Variants in PPP1R9A observed in about 807,000 individuals in gnomAD.
PPP1R9A encodes neurabin-1.
PPP1R9A carries 59 observed loss-of-function variants against 141.9 expected under a neutral mutation model. The ratio of observed to expected loss-of-function variants is 0.42; its 90% CI spans 0.34 to 0.52. The LOEUF (loss-of-function observed/expected upper bound fraction) is 0.52, where lower values mean the gene tolerates loss of function less well. Ranked by LOEUF, PPP1R9A falls within the 20% of genes least tolerant of loss-of-function variation. The pLI, the probability that PPP1R9A is intolerant of heterozygous loss-of-function variation, is 0.10. For synonymous variants in PPP1R9A, 500 were observed against 569.7 expected, an observed-to-expected ratio of 0.88 and a Z score of 1.74; for missense variants, 1,444 against 1,611.9, an observed-to-expected ratio of 0.90 and a Z score of 1.78.
At chr7:95,062,947 A>G (rs1050827718) in intron 2 of PPP1R9A, among the ~76,000 whole-genome samples, 8 of 152,168 alleles carry the variant, frequency 5.3e-5, no homozygotes, top group African/African-American at 1.7e-4. Context: ...CAGTCCTGCA[A>G]ATATTGTTAA....
Position 95,122,004 on chromosome 7 carries a change from A to G in PPP1R9A, c.1649+1172A>G, listed in dbSNP as rs79383024. Among the ~76,000 whole-genome samples the G allele has an allele frequency of 8.1e-3, 1,232 of 152,236 alleles. 8 individuals are homozygous for G. Among genetic ancestry groups the G allele is most frequent in the Non-Finnish European group, 0.013 (870 of 68,022 alleles). Reference sequence around the variant, plus strand: ...AAATATACGACTGCTAAATTCAAAGAATTATTATGTTGTTTTATGTACATT... The same window carrying G: ...AAATATACGACTGCTAAATTCAAAGGATTATTATGTTGTTTTATGTACATT... On this transcript the variant is annotated intron_variant, in intron 4 of 19. Transcript: ENST00000433360.
In PPP1R9A at chr7:95,294,181, A is replaced by G. The variant is rs945226369; in HGVS notation, c.*3878A>G. On this transcript the variant is annotated 3_prime_UTR_variant, in exon 20 of 20. Coordinates refer to ENST00000433360, the MANE Select transcript of PPP1R9A (RefSeq NM_001166160.2). The stretch of plus-strand genomic sequence containing the variant: ...GCACAGTCCTTTCCTGTCTTTTCAA[A>G]TTTACTTTTTATTAAGGATGTACCT... The G allele has an allele frequency of 2.0e-5, 3 of 152,088 alleles. No individual in the cohort carries two copies. The highest frequency in any genetic ancestry group is 2.0e-4 in the Admixed American group (3 of 15,274). The allele number at this position is 152,088 out of a possible 1,614,324, so 9.4% of individuals were successfully genotyped here. A position where few individuals can be genotyped will look rare whatever the true frequency, so the allele number is the denominator to read the frequency against.
chr7:95,114,151 G>A (rs1166116176), intron 3 of PPP1R9A, among the ~76,000 whole-genome samples: 3 of 152,090 alleles, frequency 2.0e-5, no homozygotes, highest in African/African-American at 4.8e-5. Context: ...ATAAATTGTA[G>A]CATATCTAGG....
intron 4 of PPP1R9A, among the ~76,000 whole-genome samples, chr7:95,127,883 TG>T (rs1823861269): frequency 6.6e-6 from 1 of 152,208 alleles, no homozygotes; most frequent in South Asian, 2.1e-4. Context: ...TATTCTATGG[TG>T]CATATGTGCC....
chr7:95,138,696 C>T (rs944376032), intron 4 of PPP1R9A, among the ~76,000 whole-genome samples: 2 of 152,130 alleles, frequency 1.3e-5, no homozygotes, highest in African/African-American at 4.8e-5. Flanking sequence ...AAAATATGGA[C>T]AGAAGATTCA....
Position 95,144,642 on chromosome 7 carries a change from C to T in PPP1R9A, c.1650-17225C>T, listed in dbSNP as rs145931601. Among the ~76,000 whole-genome samples the T allele has an allele frequency of 2.4e-4, 37 of 152,186 alleles. No individual in the cohort carries two copies. The East Asian group carries it at 5.2e-3, about 21-fold the overall frequency. On this transcript the variant is annotated intron_variant, in intron 4 of 19. Coordinates refer to ENST00000433360, the MANE Select transcript of PPP1R9A (RefSeq NM_001166160.2). ...AAGCCCACAGCTAACATCATACTAA[C>T]GGTGAAAAATTGAAAACATTACCTT... is the stretch of plus-strand genomic sequence containing the variant.
intron 5 of PPP1R9A, among the ~76,000 whole-genome samples, chr7:95,170,504 A>G (rs1831943711): frequency 6.6e-6 from 1 of 151,708 alleles, no homozygotes; most frequent in African/African-American, 2.4e-5. Context: ...GAAGAAAGGC[A>G]TATTGTGTAC....
chr7:95,142,042 T>G (rs10279932), intron 4 of PPP1R9A, among the ~76,000 whole-genome samples: 1,827 of 152,228 alleles, frequency 0.012, 20 homozygotes, highest in Middle Eastern at 0.027. Flanking sequence ...CTTGTTTTTA[T>G]CTCTTTGATT....
chr7:95,097,398 A>C lies in PPP1R9A; in HGVS notation c.1396-13861A>C, dbSNP rs79475586. On this transcript the variant is annotated intron_variant, in intron 2 of 19. Transcript: ENST00000433360. ...TGCTTAATAAGGATTTGAAGTAAGA[A>C]TCAATGGCTCAAAAGAGAGAGAAAG... Among the ~76,000 whole-genome samples the C allele has an allele frequency of 2.4e-4, 33 of 140,046 alleles. No individual in the cohort carries two copies. The East Asian group carries it at 6.2e-3, about 26-fold the overall frequency. The allele number at this position is 140,046 out of a possible 152,430, so 91.9% of individuals were successfully genotyped here.
rs1219079620 is a variant in PPP1R9A, at chr7:95,268,545, C to T, written c.2666-5C>T. 6.2e-7 allele frequency: 1 copy of T among 1,612,792 alleles called. No individual in the cohort carries two copies. The highest frequency in any genetic ancestry group is 1.7e-5 in the Admixed American group (1 of 59,916). On this transcript the variant is annotated splice_region_variant and splice_polypyrimidine_tract_variant and intron_variant, in intron 12 of 19. Transcript: ENST00000433360. Reference sequence around the variant, plus strand: ...CTCTCACTGATTATCTTTCAATATTCTTAGACTTGAATGAAGCAGTCCCAG... The same window carrying T: ...CTCTCACTGATTATCTTTCAATATTTTTAGACTTGAATGAAGCAGTCCCAG...
intron 2 of PPP1R9A, among the ~76,000 whole-genome samples, chr7:95,090,608 G>C (rs1228421999): frequency 6.6e-6 from 1 of 151,870 alleles, no homozygotes. Context: ...TGGAGTTTCT[G>C]ACCAGCCTGG....
At chr7:95,213,414 G>A (rs1018784300) in intron 7 of PPP1R9A, among the ~76,000 whole-genome samples, 3 of 140,678 alleles carry the variant, frequency 2.1e-5, no homozygotes, top group Admixed American at 1.5e-4. Context: ...TCTGCCTTAC[G>A]GGTTCAAGCG....
At chr7:95,170,933 G>A (rs1173622728) in intron 5 of PPP1R9A, among the ~76,000 whole-genome samples, 2 of 151,440 alleles carry the variant, frequency 1.3e-5, no homozygotes, top group Non-Finnish European at 1.5e-5. Context: ...ATAGCATGTC[G>A]GTTTTTATGA....
intron 4 of PPP1R9A, among the ~76,000 whole-genome samples, chr7:95,160,560 C>G (rs1830328652): frequency 6.6e-6 from 1 of 150,406 alleles, no homozygotes; most frequent in Admixed American, 6.6e-5. Flanking sequence ...GGTACATGTG[C>G]AGATTTGTTA....
chr7:94,973,990 T>C, intron 2 of PPP1R9A, among the ~76,000 whole-genome samples: 1 of 152,184 alleles, frequency 6.6e-6, no homozygotes, highest in South Asian at 2.1e-4. Context: ...GTGCTAGGAT[T>C]GCAGGCATGA....
chr7:95,141,351 T>C (rs1180768062), intron 4 of PPP1R9A, among the ~76,000 whole-genome samples: 1 of 152,216 alleles, frequency 6.6e-6, no homozygotes, highest in African/African-American at 2.4e-5. Flanking sequence ...TTTATTGATA[T>C]GTAATTCACA....
rs1264501101 is a variant in PPP1R9A, at chr7:95,274,179, G to A, written c.3296+11G>A. The stretch of plus-strand genomic sequence containing the variant: ...TTCTGCAGGTAGCAGGTACGGTTGT[G>A]TGATTAAGAACACGTGTATTTCTAT... On this transcript the variant is annotated intron_variant, in intron 16 of 19. Transcript: ENST00000433360. 6.5e-7 allele frequency: 1 copy of A among 1,534,106 alleles called. No individual in the cohort carries two copies. Among genetic ancestry groups the A allele is most frequent in the South Asian group, 1.2e-5 (1 of 85,274 alleles).
At chr7:95,220,757 C>T (rs1273249832) in intron 7 of PPP1R9A, among the ~76,000 whole-genome samples, 1 of 152,060 alleles carries the variant, frequency 6.6e-6, no homozygotes. Flanking sequence ...AACATCAAAG[C>T]ATTATGAGTG....
At chr7:95,024,265 G>A (rs947741812) in intron 2 of PPP1R9A, among the ~76,000 whole-genome samples, 2 of 152,138 alleles carry the variant, frequency 1.3e-5, no homozygotes, top group African/African-American at 2.4e-5. Context: ...GATTTGGGGT[G>A]GAGATTTCTG....
Sources: allele counts gnomAD v4.1 joint callset (sites outside exome capture counted in the v4.1 genomes callset), GRCh38; gene constraint gnomAD v4.1.1; transcripts MANE v1.5; gene names NCBI Gene and HGNC (gene_info 2026-07-23, HGNC 2026-07-21).